Variants in RABGAP1L observed in about 807,000 individuals in gnomAD.
RABGAP1L encodes rab GTPase-activating protein 1-like.
Under a neutral mutation model 137.7 loss-of-function variants are expected in RABGAP1L, and 63 were observed. The observed-to-expected ratio is 0.46, with a 90% CI of 0.37 to 0.56. The LOEUF (loss-of-function observed/expected upper bound fraction) is 0.56, where lower values mean the gene tolerates loss of function less well. Among genes scored for constraint, RABGAP1L ranks in the 20% least tolerant of loss-of-function variants. The pLI is 0.00. For missense variants in RABGAP1L, 1,095 were observed against 1,244.0 expected (o/e 0.88, Z 1.80); for synonymous variants, 431 against 433.7 (o/e 0.99, Z 0.08).
At chr1:174,294,287 A>G (rs1035487260) in intron 10 of RABGAP1L, among the ~76,000 whole-genome samples, 1 of 152,226 alleles carries the variant, frequency 6.6e-6, no homozygotes. Flanking sequence ...AACATAAATG[A>G]ATTAATGAAT....
chr1:174,871,169 TG>T (rs1652128805), intron 19 of RABGAP1L, among the ~76,000 whole-genome samples: 1 of 152,150 alleles, frequency 6.6e-6, no homozygotes, highest in African/African-American at 2.4e-5. Flanking sequence ...TTTGTTTGTT[TG>T]TTTTTTGTTT....
intron 11 of RABGAP1L, among the ~76,000 whole-genome samples, chr1:174,349,771 C>T (rs1319651753): frequency 1.6e-5 from 2 of 126,258 alleles, no homozygotes; most frequent in Admixed American, 7.8e-5. Flanking sequence ...GGCGGCTGGC[C>T]GGGCAGAGGG....
intron 16 of RABGAP1L, chr1:174,701,162 T>C: frequency 2.3e-6 from 3 of 1,303,898 alleles, no homozygotes; most frequent in Non-Finnish European, 3.0e-6. Flanking sequence ...GCTATGCTAA[T>C]ACTTTGTACC....
intron 5 of RABGAP1L, among the ~76,000 whole-genome samples, chr1:174,247,979 T>C (rs539461242): frequency 1.3e-5 from 2 of 151,660 alleles, no homozygotes; most frequent in East Asian, 3.9e-4. Flanking sequence ...TGTATAAAAA[T>C]CAGACAGTAG....
At position 174,273,833 on chromosome 1, in the gene RABGAP1L, G is replaced by C. The variant is rs1432922157; in HGVS notation, c.1053+1353G>C. On this transcript the variant is annotated intron_variant, in intron 8 of 25. Transcript: ENST00000681986. ...CTTCACTATGTCTCTCTAACTTTCAGAACAGTCCTCCCCACCTTTGAGTCC... is the reference window on the plus strand; with the variant it reads ...CTTCACTATGTCTCTCTAACTTTCACAACAGTCCTCCCCACCTTTGAGTCC... Among the ~76,000 whole-genome samples, 8 of 152,092 alleles carry C rather than the reference G, an allele frequency of 5.3e-5. 1 individual carries two copies. Among genetic ancestry groups the C allele is most frequent in the Admixed American group, 5.2e-4 (8 of 15,258 alleles).
Position 174,173,893 on chromosome 1 carries a change from A to T in RABGAP1L, c.-34+14236A>T, listed in dbSNP as rs1182846347. On this transcript the variant is annotated intron_variant, in intron 1 of 25. Transcript: ENST00000681986. ...AAAGCAAGAGGGATATTTTAGATAT[A>T]GGTATGAAACTTTGAAATAGTAAGT... Among the ~76,000 whole-genome samples, 12 of 152,308 alleles carry T rather than the reference A, an allele frequency of 7.9e-5. No individual in the cohort carries two copies. In the East Asian group the frequency reaches 2.1e-3, roughly 27 times the overall value.
chr1:174,409,217 T>C (rs1649623997), intron 13 of RABGAP1L, among the ~76,000 whole-genome samples: 1 of 152,234 alleles, frequency 6.6e-6, no homozygotes, highest in Non-Finnish European at 1.5e-5. Flanking sequence ...CATTTTAATA[T>C]GGACATATGT....
At chr1:174,663,999 G>A (rs980856580) in intron 14 of RABGAP1L, among the ~76,000 whole-genome samples, 8 of 152,090 alleles carry the variant, frequency 5.3e-5, no homozygotes, top group Non-Finnish European at 1.0e-4. Flanking sequence ...TACACATTAC[G>A]TAAGCTTCAT....
chr1:174,454,424 A>G (rs189102138), intron 13 of RABGAP1L, among the ~76,000 whole-genome samples: 1 of 152,276 alleles, frequency 6.6e-6, no homozygotes, highest in Non-Finnish European at 1.5e-5. Context: ...TATTTCAGGT[A>G]GATTTTTACA....
At position 174,587,508 on chromosome 1, in the gene RABGAP1L, C is replaced by CG. The variant is rs202022029; in HGVS notation, c.1711-49866dup. 5.8e-4 allele frequency among the ~76,000 whole-genome samples: 88 copies of CG among 151,794 alleles called. No individual in the cohort carries two copies. The East Asian group carries it at 0.016, about 27-fold the overall frequency. ...AAGTACAATATGAGAAGAAAAATCA[C>CG]GTCTTCCAATTAAATAATATACAGT... On this transcript the variant is annotated intron_variant, in intron 13 of 25. Coordinates refer to ENST00000681986, the MANE Select transcript of RABGAP1L (RefSeq NM_001366446.1).
At chr1:174,565,561 T>C (rs1358314427) in intron 13 of RABGAP1L, among the ~76,000 whole-genome samples, 1 of 152,142 alleles carries the variant, frequency 6.6e-6, no homozygotes, top group Non-Finnish European at 1.5e-5. Flanking sequence ...CCTGAATTCC[T>C]TTACGTATGT....
intron 12 of RABGAP1L, among the ~76,000 whole-genome samples, chr1:174,392,859 C>T (rs926751111): frequency 6.6e-6 from 1 of 152,052 alleles, no homozygotes; most frequent in African/African-American, 2.4e-5. Context: ...AACCAGAGTA[C>T]ATTGTCAAGG....
intron 18 of RABGAP1L, among the ~76,000 whole-genome samples, chr1:174,809,002 G>C (rs1442874357): frequency 6.6e-6 from 1 of 152,020 alleles, no homozygotes; most frequent in African/African-American, 2.4e-5. Flanking sequence ...TTTTTTAAAT[G>C]GGAAAACTTA....
At chr1:174,894,720 G>A (rs1000433000) in intron 19 of RABGAP1L, among the ~76,000 whole-genome samples, 2 of 148,144 alleles carry the variant, frequency 1.4e-5, no homozygotes, top group Admixed American at 1.3e-4. Context: ...AACCAAGTTG[G>A]GTTTTTTGTT....
chr1:174,800,514 T>C (rs746217779), intron 18 of RABGAP1L: 2 of 1,549,490 alleles, frequency 1.3e-6, no homozygotes, highest in Non-Finnish European at 8.7e-7. Flanking sequence ...AGATTGTTTT[T>C]CATTGAACTT....
intron 15 of RABGAP1L, among the ~76,000 whole-genome samples, chr1:174,697,431 C>T (rs1300518836): frequency 6.6e-6 from 1 of 152,102 alleles, no homozygotes; most frequent in Non-Finnish European, 1.5e-5. Flanking sequence ...AGCAGTTCTC[C>T]TGCCTCAGCT....
At chr1:174,346,885 A>G (rs1176953960) in intron 11 of RABGAP1L, among the ~76,000 whole-genome samples, 1 of 151,498 alleles carries the variant, frequency 6.6e-6, no homozygotes, top group Non-Finnish European at 1.5e-5. Flanking sequence ...TTAGTACTGC[A>G]TTTGCTGTAT....
chr1:174,602,545 ACAGT>A (rs1214215401), intron 13 of RABGAP1L, among the ~76,000 whole-genome samples: 1 of 152,198 alleles, frequency 6.6e-6, no homozygotes, highest in African/African-American at 2.4e-5. Flanking sequence ...GAATGGGGAC[ACAGT>A]CAGACTATAT....
At chr1:174,879,131 C>T (rs1269906477) in intron 19 of RABGAP1L, among the ~76,000 whole-genome samples, 5 of 148,088 alleles carry the variant, frequency 3.4e-5, no homozygotes, top group South Asian at 2.2e-4. Flanking sequence ...GATGGAGTCT[C>T]GCTCTGTTTC....
Sources: gnomAD v4.1 joint callset for allele counts (sites outside exome capture counted in the v4.1 genomes callset) on GRCh38, gnomAD v4.1.1 for gene constraint, MANE v1.5 for transcripts, NCBI Gene and HGNC (gene_info 2026-07-23, HGNC 2026-07-21) for gene names.